The following MTHFD1 variants were observed in gnomAD, a reference collection of about 807,000 sequenced individuals.
The protein encoded by MTHFD1 is C-1-tetrahydrofolate synthase, cytoplasmic.
MTHFD1 carries 44 observed loss-of-function variants against 110.3 expected under a neutral mutation model. The ratio of observed to expected loss-of-function variants is 0.40; its 90% CI spans 0.31 to 0.51. The LOEUF is 0.51. Ranked by LOEUF, MTHFD1 falls within the 20% of genes least tolerant of loss-of-function variation. The pLI is 0.60. For missense variants in MTHFD1, 909 were observed against 1,173.1 expected (o/e 0.77, Z 3.29); for synonymous variants, 402 against 428.8 (o/e 0.94, Z 0.77).
In MTHFD1 at chr14:64,448,300, G is replaced by C; in HGVS notation, c.2262G>C (p.Val754=). ...NARMFGIPVV[V]AVNAFKTDTE... is the part of the protein sequence containing the mutation. ...GAATGTTTGGAATTCCAGTAGTAGT[G>C]GCCGTGAATGCATTCAAGTAAGTGT... Residue 754 remains valine, a synonymous_variant, in exon 23 of 28, where the codon GTG becomes GTC. Transcript: ENST00000652337. The C allele has an allele frequency of 6.2e-7, 1 of 1,612,898 alleles. No individual in the cohort carries two copies. Among genetic ancestry groups the C allele is most frequent in the Non-Finnish European group, 8.5e-7 (1 of 1,178,820 alleles).
intron 22 of MTHFD1, among the ~76,000 whole-genome samples, chr14:64,447,356 A>C (rs919144316): frequency 1.3e-5 from 2 of 150,478 alleles, no homozygotes; most frequent in African/African-American, 2.4e-5. Flanking sequence ...GGGTTTCACC[A>C]TGTTGGCCAG....
At chr14:64,410,945 C>T in intron 2 of MTHFD1, 145 bp from the exon 3 acceptor site, 1 of 689,164 alleles carries the variant, frequency 1.5e-6, no homozygotes, top group East Asian at 2.7e-5. Flanking sequence ...CCTGCCCCCA[C>T]AGCCTCCCTA....
chr14:64,419,835 G>A lies in MTHFD1; in HGVS notation c.637G>A (p.Val213Met). ...DEEVNKGDIL[V>M]VATGQPEMVK... ...CTAGGTAAATAAAGGTGACATCCTG[G>A]TGGTTGCAACTGGTCAGCCTGAAAT... Residue 213 changes from valine (V) to methionine (M), a missense_variant, in exon 8 of 28, where the codon GTG (valine) becomes ATG (methionine). Physicochemically the swap from Val to Met is conservative, Grantham distance 21. Around this residue, in one of 3 missense-constraint regions of MTHFD1, gnomAD observed 424 missense variants for 510.4 expected, o/e 0.83. Transcript: ENST00000652337. 1 of 1,613,784 alleles carries A rather than the reference G, an allele frequency of 6.2e-7. No individual in the cohort carries two copies. The highest frequency in any genetic ancestry group is 8.5e-7 in the Non-Finnish European group (1 of 1,179,738).
chr14:64,437,315 A>G (rs1248016295), intron 16 of MTHFD1, among the ~76,000 whole-genome samples: 1 of 152,228 alleles, frequency 6.6e-6, no homozygotes, highest in Non-Finnish European at 1.5e-5. Flanking sequence ...TCTAAAACAT[A>G]TTCAGCCATC....
At chr14:64,451,587 T>C (rs1309728157) in intron 24 of MTHFD1, among the ~76,000 whole-genome samples, 1 of 152,264 alleles carries the variant, frequency 6.6e-6, no homozygotes, top group East Asian at 1.9e-4. Flanking sequence ...AAAGCATTTA[T>C]AGGCACCCTC....
chr14:64,413,046 G>A (rs1477165647), intron 4 of MTHFD1, among the ~76,000 whole-genome samples: 1 of 151,876 alleles, frequency 6.6e-6, no homozygotes, highest in East Asian at 1.9e-4. Context: ...ATCATCTGTT[G>A]TGTTTGTTAA....
Position 64,415,748 on chromosome 14 carries a change from A to C in MTHFD1, c.478+9A>C, listed in dbSNP as rs1448173215. ...ACTCATCAAAGAGACAGGTAAAAAC[A>C]ACAAACCAAACAACAAGAAAGCACC... On this transcript the variant is annotated intron_variant, in intron 6 of 27. Transcript: ENST00000652337. 6.2e-7 allele frequency: 1 copy of C among 1,612,966 alleles called. No homozygotes were observed. The highest frequency in any genetic ancestry group is 1.3e-5 in the African/African-American group (1 of 74,916).
Position 64,430,288 on chromosome 14 carries a change from G to A in MTHFD1, c.1311+58G>A, listed in dbSNP as rs1387746425. ...CCCCCTTTTTTTGTCGGGGGGGAGG[G>A]TGCTGAATTAGCTCCCTTTTTTTCC... On this transcript the variant is annotated intron_variant, in intron 13 of 27. Coordinates refer to ENST00000652337, the MANE Select transcript of MTHFD1 (RefSeq NM_005956.4). The A allele has an allele frequency of 3.5e-5, 53 of 1,499,718 alleles. No individual in the cohort carries two copies. In the East Asian group the frequency reaches 9.3e-4, roughly 26 times the overall value. 92.9% of individuals were successfully genotyped at this position (1,499,718 alleles called of 1,614,324 possible). A position where few individuals can be genotyped will look rare whatever the true frequency, so the allele number is the denominator to read the frequency against.
rs1027837512 is a variant in MTHFD1, at chr14:64,432,949, A to G, written c.1494+1088A>G. Among the ~76,000 whole-genome samples the G allele has an allele frequency of 2.6e-5, 4 of 152,168 alleles. No homozygotes were observed. The East Asian group carries it at 7.7e-4, about 29-fold the overall frequency. ...TTTTTTATTTTATTTTTTTGTAGAG[A>G]CCGTGTCTCACCATATTGTCCAGGC... is the stretch of plus-strand genomic sequence containing the variant. On this transcript the variant is annotated intron_variant, in intron 15 of 27. Transcript: ENST00000652337.
intron 2 of MTHFD1, among the ~76,000 whole-genome samples, chr14:64,410,411 G>A (rs947638312): frequency 8.6e-5 from 13 of 151,460 alleles, no homozygotes; most frequent in African/African-American, 1.9e-4. Context: ...TAAAGATGGG[G>A]GGGGGGGTCT....
Position 64,419,895 on chromosome 14 carries a change from G to A in MTHFD1, c.697G>A (p.Val233Ile), listed in dbSNP as rs971740672. The A allele has an allele frequency of 1.2e-6, 2 of 1,614,040 alleles. No homozygotes were observed. Among genetic ancestry groups the A allele is most frequent in the Non-Finnish European group, 1.7e-6 (2 of 1,179,890 alleles). Residue 233 changes from valine (V) to isoleucine (I), a missense_variant, in exon 8 of 28, where the codon GTC (valine) becomes ATC (isoleucine). Val to Ile is a conservative substitution (Grantham distance 29). Coordinates refer to ENST00000652337, the MANE Select transcript of MTHFD1 (RefSeq NM_005956.4). The stretch of plus-strand genomic sequence containing the variant: ...GGAGTGGATCAAACCTGGGGCAATA[G>A]TCATCGACTGTGGAATCAATTATGT... ...KGEWIKPGAIVIDCGINYVPD... is the reference protein window; with the variant it reads ...KGEWIKPGAIIIDCGINYVPD...
At chr14:64,401,200 G>C (rs188592944) in intron 2 of MTHFD1, among the ~76,000 whole-genome samples, 2 of 151,704 alleles carry the variant, frequency 1.3e-5, no homozygotes, top group African/African-American at 4.8e-5. Context: ...GTCTTACTCT[G>C]TTGCCAGGCT....
At chr14:64,434,811 G>A (rs887927795) in intron 15 of MTHFD1, among the ~76,000 whole-genome samples, 19 of 149,478 alleles carry the variant, frequency 1.3e-4, no homozygotes, top group Non-Finnish European at 1.3e-4. Flanking sequence ...TTCTGGGAGC[G>A]ATGAATTCTG....
At chr14:64,410,408 G>A (rs1399789748) in intron 2 of MTHFD1, among the ~76,000 whole-genome samples, 1 of 1,834 alleles carries the variant, frequency 5.5e-4, no homozygotes, top group African/African-American at 3.1e-3. Context: ...TTGTAAAGAT[G>A]GGGGGGGGGG....
rs749310643 is a variant in MTHFD1, at chr14:64,442,331, G to A, written c.2065G>A (p.Gly689Ser). 16 of 1,614,072 alleles carry A rather than the reference G, an allele frequency of 9.9e-6. No homozygotes were observed. The highest frequency in any genetic ancestry group is 6.6e-5 in the South Asian group (6 of 91,088). Residue 689 changes from glycine to serine, a missense_variant, in exon 21 of 28, where the codon GGC becomes AGC. By Grantham distance (56) the Gly-to-Ser change is moderately conservative. Around this residue, in one of 3 missense-constraint regions of MTHFD1, gnomAD observed 482 missense variants for 646.0 expected, o/e 0.75. Coordinates refer to ENST00000652337, the MANE Select transcript of MTHFD1 (RefSeq NM_005956.4). ...KFFNIKCRYS[G>S]LCPHVVVLVA... ...TTTTAACATCAAATGCCGGTATTCC[G>A]GCCTCTGCCCCCACGTGGTGGTGCT...
intron 24 of MTHFD1, among the ~76,000 whole-genome samples, chr14:64,450,728 G>C (rs1213075605): frequency 6.6e-6 from 1 of 151,998 alleles, no homozygotes; most frequent in Non-Finnish European, 1.5e-5. Context: ...TTTGTTTTAA[G>C]ACAGGGTCTT....
chr14:64,401,020 C>A (rs552828667), intron 2 of MTHFD1, 143 bp downstream of exon 2: 57 of 692,462 alleles, frequency 8.2e-5, no homozygotes, highest in Non-Finnish European at 1.3e-4. Context: ...AGGCTCCCCC[C>A]TTTGGCTCAG....
chr14:64,397,013 G>C lies in MTHFD1; in HGVS notation c.42-3780G>C, dbSNP rs533468965. 5.2e-3 allele frequency among the ~76,000 whole-genome samples: 709 copies of C among 135,826 alleles called. 6 individuals are homozygous for C. Among genetic ancestry groups the C allele is most frequent in the African/African-American group, 0.019 (669 of 36,160 alleles). 89.1% of individuals were successfully genotyped at this position (135,826 alleles called of 152,430 possible). ...CCAGCTACTTGGGAGGCTGAGGCAG[G>C]AGAATGGCTTGAACCCGGGAGGCGG... On this transcript the variant is annotated intron_variant, in intron 1 of 27. Transcript: ENST00000652337.
intron 11 of MTHFD1, 91 bp from the exon 12 acceptor site, chr14:64,427,246 G>T: frequency 7.1e-7 from 1 of 1,414,874 alleles, no homozygotes; most frequent in South Asian, 1.2e-5. Flanking sequence ...TTTAGATTAC[G>T]AGTCATTCTC....
Sources: allele counts gnomAD v4.1 joint callset (sites outside exome capture counted in the v4.1 genomes callset), GRCh38; gene constraint gnomAD v4.1.1; regional missense constraint gnomAD v4.1.1; transcripts MANE v1.5; gene names NCBI Gene and HGNC (gene_info 2026-07-23, HGNC 2026-07-21).